The following SORCS1 variants were observed in gnomAD, a reference collection of about 807,000 sequenced individuals.
The protein encoded by SORCS1 is VPS10 domain-containing receptor SorCS1.
A neutral mutation model predicts 146.1 loss-of-function variants in SORCS1; 60 were observed. The observed-to-expected ratio is 0.41, with a 90% CI of 0.33 to 0.51. The LOEUF is 0.51. Among genes scored for constraint, SORCS1 ranks in the 20% least tolerant of loss-of-function variants. The probability of loss-of-function intolerance (pLI) is 0.21; values close to 1 mark genes in which losing one functional copy is unlikely to be tolerated. For missense variants in SORCS1, 1,352 were observed against 1,487.6 expected, an observed-to-expected ratio of 0.91 and a Z score of 1.50; for synonymous variants, 637 against 584.0, an observed-to-expected ratio of 1.09 and a Z score of -1.31.
intron 3 of SORCS1, among the ~76,000 whole-genome samples, chr10:106,795,637 G>A (rs12412217): frequency 0.26 from 39,235 of 152,114 alleles, 5,297 homozygotes; most frequent in Non-Finnish European, 0.29. Context: ...CTGAGCCATT[G>A]AAATAATGGG....
chr10:106,963,673 G>A (rs556729959), intron 1 of SORCS1, among the ~76,000 whole-genome samples: 1 of 151,770 alleles, frequency 6.6e-6, no homozygotes, highest in East Asian at 1.9e-4. Context: ...TGAATCCTGG[G>A]GGGGGGCCAT....
At chr10:106,934,842 A>C (rs1223553597) in intron 2 of SORCS1, among the ~76,000 whole-genome samples, 1 of 152,194 alleles carries the variant, frequency 6.6e-6, no homozygotes, top group African/African-American at 2.4e-5. Flanking sequence ...GTTCTCATTT[A>C]ATAAGCAGGA....
At chr10:106,994,695 G>C (rs1956920907) in intron 1 of SORCS1, among the ~76,000 whole-genome samples, 1 of 152,184 alleles carries the variant, frequency 6.6e-6, no homozygotes, top group Admixed American at 6.5e-5. Context: ...GTGCTATTTA[G>C]CATTACTTGA....
chr10:106,993,890 T>G (rs561929835), intron 1 of SORCS1, among the ~76,000 whole-genome samples: 1 of 151,786 alleles, frequency 6.6e-6, no homozygotes, highest in Non-Finnish European at 1.5e-5. Flanking sequence ...CTGGGCAACA[T>G]GGTGAAACCC....
chr10:106,995,029 C>T (rs1956932158), intron 1 of SORCS1, among the ~76,000 whole-genome samples: 1 of 151,998 alleles, frequency 6.6e-6, no homozygotes. Flanking sequence ...GTAAGAACAG[C>T]CGGCCAGGCA....
At chr10:106,896,686 A>G (rs1420344684) in intron 2 of SORCS1, among the ~76,000 whole-genome samples, 1 of 151,412 alleles carries the variant, frequency 6.6e-6, no homozygotes, top group Non-Finnish European at 1.5e-5. Flanking sequence ...GATTAAAATG[A>G]ACTTTGACAC....
chr10:106,857,269 A>G (rs1949824002), intron 2 of SORCS1, among the ~76,000 whole-genome samples: 1 of 152,206 alleles, frequency 6.6e-6, no homozygotes, highest in Non-Finnish European at 1.5e-5. Flanking sequence ...GCATACAGAT[A>G]TCCTGCCCAT....
intron 1 of SORCS1, among the ~76,000 whole-genome samples, chr10:107,088,391 T>C (rs778171455): frequency 2.6e-5 from 4 of 152,174 alleles, no homozygotes; most frequent in Non-Finnish European, 5.9e-5. Flanking sequence ...TTTTACTCAA[T>C]GCACTGCATC....
chr10:106,652,630 G>A (rs1849959934), intron 17 of SORCS1, 77 bp from the exon 18 acceptor site: 1 of 1,537,550 alleles, frequency 6.5e-7, no homozygotes, highest in Non-Finnish European at 8.9e-7. Context: ...ATTAGACATA[G>A]TGCCTAGCCC....
At chr10:106,732,681 A>C (rs1856680652) in intron 5 of SORCS1, among the ~76,000 whole-genome samples, 1 of 152,220 alleles carries the variant, frequency 6.6e-6, no homozygotes, top group Non-Finnish European at 1.5e-5. Flanking sequence ...AACGGGAGGC[A>C]AAATAATTAC....
intron 3 of SORCS1, among the ~76,000 whole-genome samples, chr10:106,814,880 T>A (rs1468347509): frequency 8.5e-5 from 10 of 118,218 alleles, no homozygotes; most frequent in East Asian, 2.8e-4. Flanking sequence ...GCGCCACTGC[T>A]CTCCAGCCTG....
chr10:106,834,357 G>T (rs1290604835), intron 2 of SORCS1, among the ~76,000 whole-genome samples: 1 of 152,112 alleles, frequency 6.6e-6, no homozygotes, highest in African/African-American at 2.4e-5. Flanking sequence ...ATGTGATTAG[G>T]CAACATTTAA....
chr10:106,699,450 C>A (rs181332894), intron 8 of SORCS1, 57 bp from the exon 9 acceptor site: 3 of 1,482,972 alleles, frequency 2.0e-6, no homozygotes, highest in South Asian at 2.7e-5. Context: ...ATTAACCTGG[C>A]AGGCATCCAA....
chr10:106,613,868 G>T (rs1235007721), intron 21 of SORCS1, among the ~76,000 whole-genome samples: 5 of 151,654 alleles, frequency 3.3e-5, no homozygotes, highest in Non-Finnish European at 7.4e-5. Context: ...AATCCTGCTG[G>T]CTCTGTCCAT....
chr10:106,913,863 T>C (rs1487421946), intron 2 of SORCS1, among the ~76,000 whole-genome samples: 1 of 152,204 alleles, frequency 6.6e-6, no homozygotes, highest in Non-Finnish European at 1.5e-5. Flanking sequence ...CTTGAGTTGC[T>C]ACATTCTTTT....
chr10:106,677,474 C>A, intron 12 of SORCS1, 70 bp from the exon 13 acceptor site: 1 of 1,367,512 alleles, frequency 7.3e-7, no homozygotes, highest in Non-Finnish European at 1.0e-6. Flanking sequence ...GAGAATCAGT[C>A]TTCACATGAG....
intron 3 of SORCS1, among the ~76,000 whole-genome samples, chr10:106,783,783 T>C (rs1861073498): frequency 1.3e-5 from 2 of 152,202 alleles, no homozygotes; most frequent in Non-Finnish European, 2.9e-5. Flanking sequence ...GATTCTTCCG[T>C]AGATTGGATT....
intron 2 of SORCS1, among the ~76,000 whole-genome samples, chr10:106,842,676 G>A (rs1245300271): frequency 6.6e-6 from 1 of 152,158 alleles, no homozygotes; most frequent in Non-Finnish European, 1.5e-5. Context: ...GAGTGCAATG[G>A]CGTGATCTCA....
rs187075843 is a variant in SORCS1, at chr10:106,726,409, A to T, written c.1024+3641T>A. 6.0e-5 allele frequency among the ~76,000 whole-genome samples: 9 copies of T among 150,094 alleles called. No individual in the cohort carries two copies. In the Admixed American group the frequency reaches 6.0e-4, roughly 10 times the overall value. On this transcript the variant is annotated intron_variant, in intron 6 of 25. Transcript: ENST00000263054. ...AAAAAGTAAAATAAATAAAATTAGA[A>T]CTGATACATTTCATGCTTTGTGAAA...
Sources: allele counts gnomAD v4.1 joint callset (sites outside exome capture counted in the v4.1 genomes callset), GRCh38; gene constraint gnomAD v4.1.1; transcripts MANE v1.5; gene names NCBI Gene and HGNC (gene_info 2026-07-23, HGNC 2026-07-21).